KIAA1328: variants seen among roughly 807,000 people sequenced by gnomAD.
The protein encoded by KIAA1328 is protein hinderin.
Under a neutral mutation model 68.1 loss-of-function variants are expected in KIAA1328, and 52 were observed. That is an observed-to-expected ratio of 0.76 (90% CI 0.61 to 0.96). KIAA1328 has a LOEUF of 0.96. KIAA1328 is among the 40% of genes least tolerant of loss of function. The pLI is 0.00. For missense variants in KIAA1328, 641 were observed against 677.6 expected, an observed-to-expected ratio of 0.95 and a Z score of 0.60; for synonymous variants, 232 against 239.4, an observed-to-expected ratio of 0.97 and a Z score of 0.28.
intron 5 of KIAA1328, among the ~76,000 whole-genome samples, chr18:36,894,514 T>C (rs2048805492): frequency 6.6e-6 from 1 of 152,074 alleles, no homozygotes; most frequent in Non-Finnish European, 1.5e-5. Context: ...CAGATTAATT[T>C]TTCTTAAGGA....
chr18:36,974,357 T>C (rs2052375857), intron 6 of KIAA1328, among the ~76,000 whole-genome samples: 1 of 152,306 alleles, frequency 6.6e-6, no homozygotes, highest in South Asian at 2.1e-4. Flanking sequence ...CAATGTCTAT[T>C]ATTCCACATT....
intron 4 of KIAA1328, among the ~76,000 whole-genome samples, chr18:36,884,596 G>C (rs371699908): frequency 6.6e-6 from 1 of 152,196 alleles, no homozygotes; most frequent in East Asian, 1.9e-4. Context: ...AATTGCTCTA[G>C]TAGAGTAGCG....
At chr18:37,003,235 G>T (rs959487871) in intron 6 of KIAA1328, among the ~76,000 whole-genome samples, 2 of 151,958 alleles carry the variant, frequency 1.3e-5, no homozygotes, top group African/African-American at 4.8e-5. Context: ...AAATAAAAAA[G>T]CTCTAAAAGA....
intron 6 of KIAA1328, among the ~76,000 whole-genome samples, chr18:37,005,805 T>A (rs1040653705): frequency 1.3e-5 from 2 of 152,138 alleles, no homozygotes; most frequent in Admixed American, 6.6e-5. Flanking sequence ...TCCAGCAACA[T>A]GGATGGAACT....
intron 4 of KIAA1328, among the ~76,000 whole-genome samples, chr18:36,876,032 G>A (rs1412717223): frequency 1.3e-5 from 2 of 152,118 alleles, no homozygotes; most frequent in African/African-American, 4.8e-5. Flanking sequence ...GATCTTGGTG[G>A]ATAAGCTTTT....
chr18:37,225,000 A>C lies in KIAA1328; in HGVS notation c.*2773A>C. The C allele has an allele frequency of 1.0e-6, 1 of 985,450 alleles. No homozygotes were observed. Among genetic ancestry groups the C allele is most frequent in the African/African-American group, 1.7e-5 (1 of 57,360 alleles). The allele number at this position is 985,450 out of a possible 1,614,324, so 61.0% of individuals were successfully genotyped here. On this transcript the variant is annotated 3_prime_UTR_variant, in exon 10 of 10. Coordinates refer to ENST00000280020, the MANE Select transcript of KIAA1328 (RefSeq NM_020776.3). Reference sequence around the variant, plus strand: ...CTTTCCAGGAGGCAAACTTGTGTTTATCCAAACCTGATCCCCATGATGGGG... The same window carrying C: ...CTTTCCAGGAGGCAAACTTGTGTTTCTCCAAACCTGATCCCCATGATGGGG...
In KIAA1328 at chr18:36,853,438, C is replaced by T. The variant is rs2047279614; in HGVS notation, c.332+9136C>T. On this transcript the variant is annotated intron_variant, in intron 4 of 9. Transcript: ENST00000280020. ...TTTTTTCTAATGTATCATTTTCATTCCCTCTTCATTTCTTTTTCTATATAT... is the reference window on the plus strand; with the variant it reads ...TTTTTTCTAATGTATCATTTTCATTTCCTCTTCATTTCTTTTTCTATATAT... Among the ~76,000 whole-genome samples, 4 of 150,958 alleles carry T rather than the reference C, an allele frequency of 2.6e-5. No individual in the cohort carries two copies. In the South Asian group the frequency reaches 6.3e-4, roughly 24 times the overall value.
At chr18:36,993,177 T>A (rs922207219) in intron 6 of KIAA1328, among the ~76,000 whole-genome samples, 1 of 152,102 alleles carries the variant, frequency 6.6e-6, no homozygotes, top group Non-Finnish European at 1.5e-5. Context: ...TGGTTCAAGA[T>A]GAAGCAAACT....
At chr18:37,164,554 G>A (rs1354987355) in intron 8 of KIAA1328, among the ~76,000 whole-genome samples, 1 of 152,110 alleles carries the variant, frequency 6.6e-6, no homozygotes, top group Non-Finnish European at 1.5e-5. Flanking sequence ...AGACCAGCCT[G>A]GCCAACATGG....
Position 37,067,501 on chromosome 18 carries a change from T to C in KIAA1328, c.1188T>C (p.Leu396=). 1 of 1,543,150 alleles carries C rather than the reference T, an allele frequency of 6.5e-7. No individual in the cohort carries two copies. The highest frequency in any genetic ancestry group is 8.7e-7 in the Non-Finnish European group (1 of 1,147,282). Residue 396 remains leucine (L), a synonymous_variant, in exon 7 of 10, where the codon CTT becomes CTC. Coordinates refer to ENST00000280020, the MANE Select transcript of KIAA1328 (RefSeq NM_020776.3). ...HLLAQQETKL[L]LKQQQLHQSR... Reference sequence around the variant, plus strand: ...TGGCCCAGCAGGAGACAAAGCTTCTTCTAAAACAGCAGCAGCTTCACCAGT... The same window carrying C: ...TGGCCCAGCAGGAGACAAAGCTTCTCCTAAAACAGCAGCAGCTTCACCAGT...
chr18:36,866,322 G>A (rs1025302452), intron 4 of KIAA1328, among the ~76,000 whole-genome samples: 1 of 152,024 alleles, frequency 6.6e-6, no homozygotes, highest in African/African-American at 2.4e-5. Flanking sequence ...GGATGCCCTT[G>A]TCAGCCAAGG....
At chr18:37,221,315 T>C (rs2060558639) in intron 9 of KIAA1328, among the ~76,000 whole-genome samples, 3 of 152,226 alleles carry the variant, frequency 2.0e-5, no homozygotes, top group Admixed American at 6.5e-5. Flanking sequence ...TATGTATTCA[T>C]TTATATCAAT....
chr18:36,866,391 T>TC (rs2150910400), intron 4 of KIAA1328, among the ~76,000 whole-genome samples: 1 of 151,798 alleles, frequency 6.6e-6, no homozygotes. Context: ...GCTCTCTTTA[T>TC]CCCCCTCAGA....
rs555914148 is a variant in KIAA1328, at chr18:37,115,541, A to G, written c.1233-44659A>G. Among the ~76,000 whole-genome samples the G allele has an allele frequency of 3.3e-5, 5 of 152,338 alleles. No homozygotes were observed. The East Asian group carries it at 7.7e-4, about 24-fold the overall frequency. ...GAAATAATAAGAGCTATTTATGACA[A>G]ACCCACAGCCAATATCATACTGAAT... On this transcript the variant is annotated intron_variant, in intron 7 of 9. Coordinates refer to ENST00000280020, the MANE Select transcript of KIAA1328 (RefSeq NM_020776.3).
At chr18:36,943,819 C>T (rs1038801939) in intron 5 of KIAA1328, among the ~76,000 whole-genome samples, 4 of 152,068 alleles carry the variant, frequency 2.6e-5, no homozygotes, top group African/African-American at 9.7e-5. Flanking sequence ...ATACCATATG[C>T]CATTTTGGAT....
intron 6 of KIAA1328, among the ~76,000 whole-genome samples, chr18:36,965,452 T>C (rs923396609): frequency 2.0e-5 from 3 of 148,982 alleles, no homozygotes; most frequent in African/African-American, 7.3e-5. Context: ...GAAACCAGCC[T>C]GGTCAACATG....
downstream of KIAA1328, among the ~76,000 whole-genome samples, chr18:37,226,072 T>C (rs2060634856): frequency 2.0e-5 from 3 of 152,156 alleles, no homozygotes; most frequent in Admixed American, 6.5e-5. Flanking sequence ...TTCAGCTAAC[T>C]TTATCATCCC....
intron 9 of KIAA1328, among the ~76,000 whole-genome samples, chr18:37,186,597 G>A (rs768617342): frequency 1.5e-4 from 22 of 147,214 alleles, no homozygotes; most frequent in Non-Finnish European, 2.4e-4. Context: ...ACCATGAAGG[G>A]AAATGCATGA....
At chr18:37,050,919 TG>T (rs1445385256) in intron 6 of KIAA1328, among the ~76,000 whole-genome samples, 1 of 152,212 alleles carries the variant, frequency 6.6e-6, no homozygotes, top group Non-Finnish European at 1.5e-5. Flanking sequence ...TTAATCCTGG[TG>T]TTTTTCAGCT....
Sources: allele counts gnomAD v4.1 joint callset (sites outside exome capture counted in the v4.1 genomes callset), GRCh38; gene constraint gnomAD v4.1.1; transcripts MANE v1.5; gene names NCBI Gene and HGNC (gene_info 2026-07-23, HGNC 2026-07-21).